Variants in LIN28B observed in about 807,000 individuals in gnomAD.
LIN28B encodes the protein protein lin-28 homolog B.
LIN28B carries 5 observed loss-of-function variants against 21.9 expected under a neutral mutation model. The observed-to-expected ratio is 0.23, with a 90% confidence interval of 0.12 to 0.48. The LOEUF (loss-of-function observed/expected upper bound fraction) is 0.48. LIN28B is among the 20% of genes least tolerant of loss of function. The pLI is 0.98. For synonymous variants in LIN28B, 109 were observed against 111.3 expected (o/e 0.98, Z 0.13); for missense variants, 245 against 310.5 (o/e 0.79, Z 1.58).
chr6:104,959,646 T>C (rs1442411280), intron 2 of LIN28B, among the ~76,000 whole-genome samples: 4 of 152,226 alleles, frequency 2.6e-5, no homozygotes, highest in Non-Finnish European at 2.9e-5. Context: ...AGTACACAAA[T>C]ACAAGTCCAC....
intron 2 of LIN28B, among the ~76,000 whole-genome samples, chr6:104,949,628 CTG>C (rs1778197003): frequency 6.6e-6 from 1 of 152,158 alleles, no homozygotes; most frequent in South Asian, 2.1e-4. Context: ...AAAGACAACT[CTG>C]GGTGTAGCAG....
intron 3 of LIN28B, among the ~76,000 whole-genome samples, chr6:105,064,025 A>C (rs942130772): frequency 6.6e-6 from 1 of 152,128 alleles, no homozygotes; most frequent in African/African-American, 2.4e-5. Flanking sequence ...CAAAAAAACT[A>C]AAATTGGGTC....
chr6:105,022,036 G>A (rs779843017), intron 2 of LIN28B, among the ~76,000 whole-genome samples: 21 of 152,010 alleles, frequency 1.4e-4, no homozygotes, highest in Non-Finnish European at 1.3e-4. Flanking sequence ...TGTAAGTAAG[G>A]TAAGATTATG....
intron 3 of LIN28B, among the ~76,000 whole-genome samples, chr6:105,045,290 T>G (rs1440582477): frequency 1.4e-5 from 2 of 146,692 alleles, no homozygotes; most frequent in Non-Finnish European, 3.0e-5. Flanking sequence ...TTCTGTTTTT[T>G]TTTTTTTTTT....
chr6:105,022,772 C>T (rs910271502), intron 2 of LIN28B, among the ~76,000 whole-genome samples: 12 of 152,004 alleles, frequency 7.9e-5, no homozygotes, highest in Non-Finnish European at 1.2e-4. Context: ...GCTAGCCTTG[C>T]GGGGAAATGA....
intron 2 of LIN28B, among the ~76,000 whole-genome samples, chr6:105,004,751 A>C (rs1260927123): frequency 6.6e-6 from 1 of 152,194 alleles, no homozygotes; most frequent in Non-Finnish European, 1.5e-5. Flanking sequence ...TGTCTCTAAA[A>C]TCTTAACAGA....
chr6:104,942,963 CTG>C (rs952011203), intron 2 of LIN28B, among the ~76,000 whole-genome samples: 80 of 152,222 alleles, frequency 5.3e-4, no homozygotes, highest in African/African-American at 1.9e-3. Context: ...CCTTGTCAGA[CTG>C]TATGGTGTCT....
At chr6:104,961,228 T>C (rs751739598) in intron 2 of LIN28B, among the ~76,000 whole-genome samples, 2 of 152,214 alleles carry the variant, frequency 1.3e-5, no homozygotes, top group Non-Finnish European at 2.9e-5. Flanking sequence ...ATTATATTTG[T>C]GAATTTTGTC....
chr6:104,940,744 G>A (rs1160549790), intron 2 of LIN28B: 2 of 150,954 alleles, frequency 1.3e-5, no homozygotes, highest in African/African-American at 2.4e-5. Context: ...GCCGGGCTGC[G>A]GCGGCGGAGT....
intron 3 of LIN28B, among the ~76,000 whole-genome samples, chr6:105,063,635 CG>C (rs762449779): frequency 0.051 from 4,990 of 97,816 alleles, 227 homozygotes; most frequent in East Asian, 0.17. Flanking sequence ...GACTCCATCT[CG>C]GGGGGGGGGG....
chr6:104,978,107 G>A (rs1770140591), intron 2 of LIN28B, among the ~76,000 whole-genome samples: 2 of 152,158 alleles, frequency 1.3e-5, no homozygotes, highest in South Asian at 4.1e-4. Flanking sequence ...TATGCATTGA[G>A]TTATATACGG....
intron 2 of LIN28B, among the ~76,000 whole-genome samples, chr6:105,007,363 CGTG>C (rs1229404812): frequency 6.6e-6 from 1 of 152,018 alleles, no homozygotes; most frequent in Middle Eastern, 3.2e-3. Context: ...TTGAAAGAAT[CGTG>C]GGACATTTTT....
At chr6:104,954,520 G>T (rs1270706347), upstream of LIN28B, among the ~76,000 whole-genome samples, 2 of 151,360 alleles carry the variant, frequency 1.3e-5, no homozygotes, top group Admixed American at 6.6e-5. Flanking sequence ...CCCTTCCCTC[G>T]CCTCTTCTCT....
At chr6:105,047,800 C>T (rs1036854563) in intron 3 of LIN28B, among the ~76,000 whole-genome samples, 3 of 152,110 alleles carry the variant, frequency 2.0e-5, no homozygotes, top group Non-Finnish European at 4.4e-5. Context: ...GGAGTTCACT[C>T]ATGATTTGGC....
At chr6:104,983,501 A>AAC (rs1186862892) in intron 2 of LIN28B, among the ~76,000 whole-genome samples, 2 of 152,240 alleles carry the variant, frequency 1.3e-5, no homozygotes, top group Non-Finnish European at 2.9e-5. Context: ...TTGGTTACTT[A>AAC]ACAGATTATT....
chr6:105,051,139 G>A (rs1452779195), intron 3 of LIN28B, among the ~76,000 whole-genome samples: 1 of 150,630 alleles, frequency 6.6e-6, no homozygotes, highest in Non-Finnish European at 1.5e-5. Flanking sequence ...AGTTAATAAT[G>A]AGTAAAAGAA....
At chr6:104,986,170 A>G (rs1359427005) in intron 2 of LIN28B, among the ~76,000 whole-genome samples, 1 of 152,112 alleles carries the variant, frequency 6.6e-6, no homozygotes, top group Non-Finnish European at 1.5e-5. Flanking sequence ...CTAGCCATGT[A>G]AGATGTGCCT....
chr6:104,987,548 A>G (rs1770372964), intron 2 of LIN28B, among the ~76,000 whole-genome samples: 1 of 151,830 alleles, frequency 6.6e-6, no homozygotes, highest in Admixed American at 6.6e-5. Flanking sequence ...CTGGCATTGA[A>G]CTCCTGGGCT....
chr6:105,003,155 G>T (rs1464151744), intron 2 of LIN28B, among the ~76,000 whole-genome samples: 1 of 152,148 alleles, frequency 6.6e-6, no homozygotes, highest in African/African-American at 2.4e-5. Context: ...GGTTTTGAAT[G>T]GAAAAGGTAA....
Sources: allele counts gnomAD v4.1 joint callset (sites outside exome capture counted in the v4.1 genomes callset), GRCh38; gene constraint gnomAD v4.1.1; transcripts MANE v1.5; gene names NCBI Gene and HGNC (gene_info 2026-07-23, HGNC 2026-07-21).